The following ENOX1 variants were observed in gnomAD, a reference collection of about 807,000 sequenced individuals.
The protein encoded by ENOX1 is ecto-NOX disulfide-thiol exchanger 1.
In ENOX1, 42 loss-of-function variants were observed where a neutral mutation model predicts 82.5. The ratio of observed to expected loss-of-function variants is 0.51; its 90% confidence interval spans 0.40 to 0.66. ENOX1 has a LOEUF of 0.66. ENOX1 is among the 30% of genes least tolerant of loss of function. The pLI is 0.00. For missense variants in ENOX1, 608 were observed against 811.6 expected, an observed-to-expected ratio of 0.75 and a Z score of 3.05; for synonymous variants, 271 against 282.2, an observed-to-expected ratio of 0.96 and a Z score of 0.40.
chr13:43,746,736 A>G (rs1950041740), intron 1 of ENOX1, among the ~76,000 whole-genome samples: 1 of 152,190 alleles, frequency 6.6e-6, no homozygotes. Context: ...GGTGAATAAA[A>G]CAGCACAAAG....
At chr13:43,464,623 C>T (rs561803467) in intron 3 of ENOX1, among the ~76,000 whole-genome samples, 1 of 152,110 alleles carries the variant, frequency 6.6e-6, no homozygotes, top group Non-Finnish European at 1.5e-5. Flanking sequence ...GAAAAAATTG[C>T]AAAGATAATA....
chr13:43,313,686 A>C (rs1465042948), intron 11 of ENOX1, among the ~76,000 whole-genome samples: 2 of 152,242 alleles, frequency 1.3e-5, no homozygotes, highest in African/African-American at 2.4e-5. Flanking sequence ...TAAATTGTGA[A>C]TATAACACAT....
intron 2 of ENOX1, among the ~76,000 whole-genome samples, chr13:43,568,896 G>A (rs970315585): frequency 4.6e-5 from 7 of 152,066 alleles, no homozygotes; most frequent in Non-Finnish European, 8.8e-5. Context: ...GCAGAATTCT[G>A]AGGCTGAGCA....
chr13:43,659,822 C>T (rs771435823), intron 2 of ENOX1, among the ~76,000 whole-genome samples: 6 of 152,122 alleles, frequency 3.9e-5, no homozygotes, highest in Admixed American at 6.5e-5. Flanking sequence ...CCTTAGCTGC[C>T]TGTAGGCTAA....
intron 1 of ENOX1, among the ~76,000 whole-genome samples, chr13:43,752,368 G>T (rs191998800): frequency 6.6e-6 from 1 of 152,250 alleles, no homozygotes; most frequent in East Asian, 1.9e-4. Flanking sequence ...TTGATGAGCA[G>T]AAATTTTTGA....
At chr13:43,361,707 A>C (rs1467079467) in intron 5 of ENOX1, among the ~76,000 whole-genome samples, 1 of 152,216 alleles carries the variant, frequency 6.6e-6, no homozygotes, top group Non-Finnish European at 1.5e-5. Flanking sequence ...CAGCATATTA[A>C]AATGTAAAAG....
At chr13:43,571,107 A>G (rs1410945) in intron 2 of ENOX1, among the ~76,000 whole-genome samples, 147,991 of 152,274 alleles carry the variant, frequency 0.97, 72,058 homozygotes, top group East Asian at 1. Context: ...AAATTCATAA[A>G]AGGCACAGAA....
rs1347488290 is a variant in ENOX1 at position 43,499,808 on chromosome 13, T to A, written c.-218-15656A>T. ...GCCAGAAAAAGAATTCAAACAATTA[T>A]CTTAAAGAAGCTCAGTGAGCTACAA... On this transcript the variant is annotated intron_variant, in intron 2 of 16. Transcript: ENST00000690772. Among the ~76,000 whole-genome samples, 4 of 152,010 alleles carry A rather than the reference T, an allele frequency of 2.6e-5. No homozygotes were observed. In the East Asian group the frequency reaches 7.8e-4, roughly 29 times the overall value.
intron 2 of ENOX1, among the ~76,000 whole-genome samples, chr13:43,601,723 G>A (rs1372298618): frequency 1.3e-5 from 2 of 152,100 alleles, no homozygotes; most frequent in East Asian, 1.9e-4. Flanking sequence ...CCAAGCAGAT[G>A]TAACCAAGAT....
At chr13:43,653,377 T>C (rs1322594377) in intron 2 of ENOX1, among the ~76,000 whole-genome samples, 1 of 152,210 alleles carries the variant, frequency 6.6e-6, no homozygotes, top group Non-Finnish European at 1.5e-5. Context: ...ACCTTCCTGG[T>C]TGAGAGTGTA....
At chr13:43,486,855 C>T (rs934317792) in intron 2 of ENOX1, among the ~76,000 whole-genome samples, 3 of 152,224 alleles carry the variant, frequency 2.0e-5, no homozygotes, top group African/African-American at 7.2e-5. Context: ...CACTGAGTAA[C>T]ATACAATAAG....
chr13:43,740,112 G>C (rs772282098), intron 1 of ENOX1, among the ~76,000 whole-genome samples: 3 of 152,118 alleles, frequency 2.0e-5, no homozygotes. Context: ...ACTGAATATG[G>C]GGAATGTGTT....
At chr13:43,508,201 G>T (rs928686370) in intron 2 of ENOX1, among the ~76,000 whole-genome samples, 5 of 151,978 alleles carry the variant, frequency 3.3e-5, no homozygotes, top group Admixed American at 1.3e-4. Flanking sequence ...CTCATGAATG[G>T]ATCAGTGCCT....
intron 2 of ENOX1, among the ~76,000 whole-genome samples, chr13:43,568,853 A>G (rs1417592947): frequency 3.9e-5 from 6 of 152,112 alleles, no homozygotes; most frequent in Non-Finnish European, 8.8e-5. Context: ...ATTTTTATCT[A>G]TTACTAGTGG....
intron 10 of ENOX1, among the ~76,000 whole-genome samples, chr13:43,325,009 A>T (rs1437238587): frequency 6.6e-6 from 1 of 152,210 alleles, no homozygotes; most frequent in Non-Finnish European, 1.5e-5. Flanking sequence ...TAAATAATTC[A>T]CAGACTGATC....
chr13:43,734,835 G>A (rs2089534849), intron 1 of ENOX1, among the ~76,000 whole-genome samples: 1 of 152,202 alleles, frequency 6.6e-6, no homozygotes. Flanking sequence ...CACAAAAATA[G>A]AGGACAGCTC....
intron 2 of ENOX1, among the ~76,000 whole-genome samples, chr13:43,540,651 G>A (rs907413760): frequency 6.6e-6 from 1 of 152,186 alleles, no homozygotes; most frequent in African/African-American, 2.4e-5. Context: ...GCTAGGTCCT[G>A]CAGAGCTTTG....
intron 9 of ENOX1, among the ~76,000 whole-genome samples, chr13:43,343,578 C>T (rs1339077209): frequency 6.6e-6 from 1 of 152,216 alleles, no homozygotes. Context: ...TTTGCCCTCT[C>T]TTCCATCCTA....
At chr13:43,708,001 A>G (rs73188068) in intron 1 of ENOX1, among the ~76,000 whole-genome samples, 43 of 151,882 alleles carry the variant, frequency 2.8e-4, no homozygotes, top group Non-Finnish European at 3.1e-4. Flanking sequence ...ACAGTTCTTA[A>G]ACTGCCTCTC....
Sources: gnomAD v4.1 joint callset for allele counts (sites outside exome capture counted in the v4.1 genomes callset) on GRCh38, gnomAD v4.1.1 for gene constraint, MANE v1.5 for transcripts, NCBI Gene and HGNC (gene_info 2026-07-23, HGNC 2026-07-21) for gene names.